Variants in GPR139 observed in about 807,000 individuals in gnomAD.
The protein encoded by GPR139 is probable G protein-coupled receptor 139.
A neutral mutation model predicts 25.8 loss-of-function variants in GPR139; 12 were observed. That is an observed-to-expected ratio of 0.47 (90% confidence interval 0.30 to 0.75). GPR139 has a LOEUF of 0.75. GPR139 is among the 30% of genes least tolerant of loss of function. GPR139 has a pLI of 0.07. For missense variants in GPR139, 380 were observed against 450.2 expected (o/e 0.84, Z 1.41); for synonymous variants, 184 against 179.9 (o/e 1.02, Z -0.18).
chr16:20,041,163 G>C (rs1428344723), intron 1 of GPR139, among the ~76,000 whole-genome samples: 1 of 188 alleles, frequency 5.3e-3, no homozygotes. Context: ...GAGGGGAGGG[G>C]AGGGGAGGGG....
intron 1 of GPR139, among the ~76,000 whole-genome samples, chr16:20,044,150 A>C (rs1470487585): frequency 6.6e-6 from 1 of 152,216 alleles, no homozygotes; most frequent in Non-Finnish European, 1.5e-5. Flanking sequence ...TTAAGGACAC[A>C]TAACAATCAG....
chr16:20,045,586 GT>G (rs2057351563), intron 1 of GPR139, among the ~76,000 whole-genome samples: 1 of 152,096 alleles, frequency 6.6e-6, no homozygotes, highest in African/African-American at 2.4e-5. Context: ...TTTAAACAGT[GT>G]CCATCAGCTG....
chr16:20,032,109 A>C lies in GPR139; in HGVS notation c.688T>G (p.Leu230Val). 1.2e-6 allele frequency: 2 copies of C among 1,614,220 alleles called. No homozygotes were observed. Among genetic ancestry groups the C allele is most frequent in the Non-Finnish European group, 1.7e-6 (2 of 1,180,028 alleles). Residue 230 changes from leucine (L) to valine (V), a missense_variant, in exon 2 of 2, where the codon TTG (leucine) becomes GTG (valine). Leu to Val is a conservative substitution (Grantham distance 32). Transcript: ENST00000570682. Reference sequence around the variant, plus strand: ...GCAAAGATGGAGGTAATGGTGAACAAGATGGCGGTGGTCTTCCCCGTGGAG... The same window carrying C: ...GCAAAGATGGAGGTAATGGTGAACACGATGGCGGTGGTCTTCCCCGTGGAG... ...GYSTGKTTAI[L>V]FTITSIFATL...
chr16:20,050,347 C>T (rs907670630), intron 1 of GPR139, among the ~76,000 whole-genome samples: 2 of 152,164 alleles, frequency 1.3e-5, no homozygotes, highest in African/African-American at 4.8e-5. Flanking sequence ...AGAAGTTCAG[C>T]ATAGAATAGA....
intron 1 of GPR139, among the ~76,000 whole-genome samples, chr16:20,061,215 A>G (rs561935257): frequency 6.8e-6 from 1 of 146,222 alleles, no homozygotes; most frequent in Non-Finnish European, 1.5e-5. Context: ...GGATGGATGG[A>G]TGGATGGATG....
intron 1 of GPR139, among the ~76,000 whole-genome samples, chr16:20,040,653 C>T (rs990649077): frequency 2.0e-5 from 3 of 152,174 alleles, no homozygotes; most frequent in Non-Finnish European, 4.4e-5. Context: ...CACTTTTCTT[C>T]CGTCTTTCCC....
chr16:20,044,834 G>A (rs549244430), intron 1 of GPR139, among the ~76,000 whole-genome samples: 2 of 152,180 alleles, frequency 1.3e-5, no homozygotes, highest in Admixed American at 1.3e-4. Context: ...GCTTGAAAGG[G>A]TTAGGAAGTT....
At chr16:20,038,909 A>G (rs1026818046) in intron 1 of GPR139, among the ~76,000 whole-genome samples, 2 of 152,212 alleles carry the variant, frequency 1.3e-5, no homozygotes, top group Admixed American at 6.5e-5. Context: ...AGGGGTGAGT[A>G]AATGAAGAAA....
chr16:20,059,770 C>T (rs866738271), intron 1 of GPR139, among the ~76,000 whole-genome samples: 3 of 152,216 alleles, frequency 2.0e-5, no homozygotes, highest in Admixed American at 6.5e-5. Context: ...TTATCACCCT[C>T]ATTCCCAGAT....
intron 1 of GPR139, among the ~76,000 whole-genome samples, chr16:20,040,545 C>G (rs1328101096): frequency 6.6e-6 from 1 of 152,120 alleles, no homozygotes; most frequent in African/African-American, 2.4e-5. Flanking sequence ...CTTATTATGA[C>G]TATTTTTGTT....
Position 20,073,699 on chromosome 16 carries a change from G to A in GPR139, c.-83C>T. The A allele has an allele frequency of 6.9e-7, 1 of 1,456,018 alleles. No homozygotes were observed. Among genetic ancestry groups the A allele is most frequent in the Non-Finnish European group, 9.1e-7 (1 of 1,102,130 alleles). The allele number at this position is 1,456,018 out of a possible 1,614,324, so 90.2% of individuals were successfully genotyped here. A position where few individuals can be genotyped will look rare whatever the true frequency, so the allele number is the denominator to read the frequency against. ...TCGCCGGCTCGGTGGTGGCGGCGGC[G>A]GAGGCAGCGGCAGCTGGAGCAGCAG... On this transcript the variant is annotated 5_prime_UTR_variant, in exon 1 of 2. Transcript: ENST00000570682. This position sits in a 1 kb window ranked among gnomAD's most constrained non-coding sequence, Gnocchi z 4.7.
At chr16:20,033,756 ATC>A (rs2057300011) in intron 1 of GPR139, among the ~76,000 whole-genome samples, 1 of 152,088 alleles carries the variant, frequency 6.6e-6, no homozygotes, top group East Asian at 1.9e-4. Context: ...TTATTCTCCA[ATC>A]ATCAAAGTTC....
chr16:20,071,979 A>C (rs1471396373), intron 1 of GPR139, among the ~76,000 whole-genome samples: 1 of 152,156 alleles, frequency 6.6e-6, no homozygotes, highest in Non-Finnish European at 1.5e-5. Context: ...ACACTTTTCC[A>C]GTTCAGCAAG....
At chr16:20,066,967 C>T (rs1277356664) in intron 1 of GPR139, among the ~76,000 whole-genome samples, 1 of 152,156 alleles carries the variant, frequency 6.6e-6, no homozygotes, top group African/African-American at 2.4e-5. Flanking sequence ...ACTTCAGAGA[C>T]CACTGGGCTT....
Position 20,032,049 on chromosome 16 carries a change from A to G in GPR139, c.748T>C (p.Tyr250His), listed in dbSNP as rs2057291440. 1.2e-5 allele frequency: 19 copies of G among 1,614,106 alleles called. No individual in the cohort carries two copies. Among genetic ancestry groups the G allele is most frequent in the Admixed American group, 1.7e-5 (1 of 60,012 alleles). ...TGGATGGGCGCCCCATAGAGGTGGT[A>G]AAGAATCATGATGATGCGGGGGGCC... ...LWAPRIIMILYHLYGAPIQNR... is the reference protein window; with the variant it reads ...LWAPRIIMILHHLYGAPIQNR... The change falls in exon 2 of 2, where the codon TAC becomes CAC. Residue 250 changes from tyrosine (Y) to histidine (H), a missense_variant. Coordinates refer to ENST00000570682, the MANE Select transcript of GPR139 (RefSeq NM_001002911.4).
chr16:20,064,520 C>T (rs747768489), intron 1 of GPR139, among the ~76,000 whole-genome samples: 55 of 152,162 alleles, frequency 3.6e-4, no homozygotes, highest in Admixed American at 1.2e-3. Context: ...CCAGCCTGGG[C>T]GACACACTGG....
chr16:20,040,029 G>A (rs1390196306), intron 1 of GPR139, among the ~76,000 whole-genome samples: 1 of 152,194 alleles, frequency 6.6e-6, no homozygotes, highest in African/African-American at 2.4e-5. Context: ...TTGCCTTTCT[G>A]TAAGAGGCAC....
intron 1 of GPR139, among the ~76,000 whole-genome samples, chr16:20,045,251 C>T (rs549555286): frequency 3.3e-5 from 5 of 152,196 alleles, no homozygotes; most frequent in East Asian, 1.9e-4. Flanking sequence ...CCACCAGCCT[C>T]GGCCTCCCAA....
At chr16:20,047,327 T>A (rs2141207103) in intron 1 of GPR139, among the ~76,000 whole-genome samples, 1 of 152,222 alleles carries the variant, frequency 6.6e-6, no homozygotes, top group African/African-American at 2.4e-5. Context: ...GCCAGGCTGG[T>A]CTCGAACTCC....
Sources: gnomAD v4.1 joint callset for allele counts (sites outside exome capture counted in the v4.1 genomes callset) on GRCh38, gnomAD v4.1.1 for gene constraint, Gnocchi (gnomAD v3.1) non-coding constraint, MANE v1.5 for transcripts, NCBI Gene and HGNC (gene_info 2026-07-23, HGNC 2026-07-21) for gene names.